The following GABRB3 variants were observed in gnomAD, a reference collection of about 807,000 sequenced individuals.
GABRB3 encodes gamma-aminobutyric acid receptor subunit beta-3.
Under a neutral mutation model 52.1 loss-of-function variants are expected in GABRB3, and 14 were observed. The ratio of observed to expected loss-of-function variants is 0.27; its 90% CI spans 0.18 to 0.42. The LOEUF (loss-of-function observed/expected upper bound fraction) is 0.42. Ranked by LOEUF, GABRB3 falls within the 10% of genes least tolerant of loss-of-function variation. The pLI is 1.00. For missense variants in GABRB3, 307 were observed against 609.1 expected, an observed-to-expected ratio of 0.50 and a Z score of 5.22; for synonymous variants, 260 against 232.3, an observed-to-expected ratio of 1.12 and a Z score of -1.08.
chr15:26,688,056 A>G (rs2140659267), intron 3 of GABRB3, among the ~76,000 whole-genome samples: 1 of 152,328 alleles, frequency 6.6e-6, no homozygotes, highest in Middle Eastern at 3.4e-3. Context: ...CTAAAATTAG[A>G]AAGTTTTCTT....
chr15:26,615,962 C>T, intron 4 of GABRB3: 1 of 1,288,998 alleles, frequency 7.8e-7, no homozygotes, highest in Non-Finnish European at 1.0e-6. Flanking sequence ...GCAGGAACAG[C>T]AGGAACAACC....
intron 3 of GABRB3, among the ~76,000 whole-genome samples, chr15:26,650,876 G>T (rs112641165): frequency 6.6e-6 from 1 of 152,092 alleles, no homozygotes; most frequent in African/African-American, 2.4e-5. Context: ...AGGCGATCAG[G>T]CTTCAGGAAA....
intron 3 of GABRB3, among the ~76,000 whole-genome samples, chr15:26,632,367 CTG>C (rs1258970154): frequency 6.6e-6 from 1 of 152,216 alleles, no homozygotes; most frequent in African/African-American, 2.4e-5. Flanking sequence ...GTAGTCACCT[CTG>C]TATGAAATCT....
rs1555369554 is a variant in GABRB3 at position 26,594,003 on chromosome 15, T to TATAA, written c.462-10590_462-10589insTTAT. On this transcript the variant is annotated intron_variant, in intron 4 of 8. Coordinates refer to ENST00000311550, the MANE Select transcript of GABRB3 (RefSeq NM_000814.6). Reference sequence around the variant, plus strand: ...TAAAATATATATATATATATATATATAATAGCCATCCTAATGTGTGTGATG... The same window carrying TATAA: ...TAAAATATATATATATATATATATATATAAAATAGCCATCCTAATGTGTGTGATG... Among the ~76,000 whole-genome samples, 78 of 138,186 alleles carry TATAA rather than the reference T, an allele frequency of 5.6e-4. 1 individual carries two copies. Among genetic ancestry groups the TATAA allele is most frequent in the African/African-American group, 1.8e-3 (68 of 37,090 alleles). The allele number at this position is 138,186 out of a possible 152,430, so 90.7% of individuals were successfully genotyped here.
intron 4 of GABRB3, among the ~76,000 whole-genome samples, chr15:26,616,788 T>C (rs1892273033): frequency 6.6e-6 from 1 of 152,178 alleles, no homozygotes. Flanking sequence ...CAAGCAATTT[T>C]TATTTTCTTG....
intron 4 of GABRB3, among the ~76,000 whole-genome samples, chr15:26,606,740 G>C (rs1891810678): frequency 1.3e-5 from 1 of 74,086 alleles, no homozygotes; most frequent in Non-Finnish European, 3.3e-5. Flanking sequence ...ATATATATCT[G>C]TCATATATAT....
chr15:26,740,739 C>A (rs1225363004), intron 3 of GABRB3, among the ~76,000 whole-genome samples: 1 of 152,192 alleles, frequency 6.6e-6, no homozygotes, highest in Non-Finnish European at 1.5e-5. Flanking sequence ...GGAGCCACAT[C>A]TAACGTGATG....
intron 3 of GABRB3, among the ~76,000 whole-genome samples, chr15:26,740,944 C>T (rs1007568740): frequency 1.2e-4 from 19 of 152,020 alleles, no homozygotes; most frequent in African/African-American, 4.4e-4. Flanking sequence ...GGGAGCAGCA[C>T]GGAGCCGACT....
At chr15:26,737,064 G>C (rs1890083744) in intron 3 of GABRB3, among the ~76,000 whole-genome samples, 1 of 152,228 alleles carries the variant, frequency 6.6e-6, no homozygotes, top group African/African-American at 2.4e-5. Flanking sequence ...GCCCTCTAAA[G>C]TGCTGTCGCA....
chr15:26,654,580 C>A (rs1200198238), intron 3 of GABRB3, among the ~76,000 whole-genome samples: 20 of 152,062 alleles, frequency 1.3e-4, no homozygotes, highest in Non-Finnish European at 2.4e-4. Flanking sequence ...CATAGTGAGA[C>A]CCCGTCTCTC....
At chr15:26,583,553 G>T (rs1828268309) in intron 4 of GABRB3, 139 bp from the exon 5 acceptor site, 2 of 671,862 alleles carry the variant, frequency 3.0e-6, no homozygotes, top group South Asian at 3.3e-5. Flanking sequence ...ACTATATATA[G>T]AGAGAAACTT....
chr15:26,655,009 T>C (rs1373292897), intron 3 of GABRB3, among the ~76,000 whole-genome samples: 2 of 152,060 alleles, frequency 1.3e-5, no homozygotes, highest in Non-Finnish European at 2.9e-5. Context: ...TTTAAATAAG[T>C]ACATTCCTTT....
At chr15:26,624,261 CACA>C in intron 3 of GABRB3, 1 of 985,748 alleles carries the variant, frequency 1.0e-6, no homozygotes, top group Non-Finnish European at 1.2e-6. Context: ...GTTGTGGTTT[CACA>C]ACAAAAGGAG....
intron 3 of GABRB3, among the ~76,000 whole-genome samples, chr15:26,655,626 A>C (rs569497369): frequency 5.3e-5 from 8 of 152,096 alleles, no homozygotes; most frequent in African/African-American, 1.7e-4. Context: ...CCTGTAGTCC[A>C]GGCTACTCGG....
At chr15:26,769,985 A>ACAG (rs386382526) in intron 3 of GABRB3, among the ~76,000 whole-genome samples, 1 of 151,886 alleles carries the variant, frequency 6.6e-6, no homozygotes, top group Non-Finnish European at 1.5e-5. Flanking sequence ...CTGTTCTCAA[A>ACAG]CATTGACTGA....
chr15:26,603,890 C>A (rs1294307708), intron 4 of GABRB3, among the ~76,000 whole-genome samples: 1 of 152,114 alleles, frequency 6.6e-6, no homozygotes, highest in Non-Finnish European at 1.5e-5. Flanking sequence ...ACTTTCACCA[C>A]TGGTGTTCAA....
Position 26,624,110 on chromosome 15 carries a change from G to C in GABRB3, c.241-2576C>G, listed in dbSNP as rs1892589672. The C allele has an allele frequency of 4.9e-6, 4 of 819,558 alleles. No individual in the cohort carries two copies. The African/African-American group carries it at 7.4e-5, about 15-fold the overall frequency. 50.8% of individuals were successfully genotyped at this position (819,558 alleles called of 1,614,324 possible). A position where few individuals can be genotyped will look rare whatever the true frequency, so the allele number is the denominator to read the frequency against. Reference sequence around the variant, plus strand: ...TGGACAGTGCTGAGTGGTGGGTAAAGCAAAGGCCTGAAAGGTTCTCGGACA... The same window carrying C: ...TGGACAGTGCTGAGTGGTGGGTAAACCAAAGGCCTGAAAGGTTCTCGGACA... On this transcript the variant is annotated intron_variant, in intron 3 of 8. Transcript: ENST00000311550.
At chr15:26,716,921 G>A in intron 3 of GABRB3, among the ~76,000 whole-genome samples, 1 of 138,382 alleles carries the variant, frequency 7.2e-6, no homozygotes, top group Admixed American at 7.2e-5. Flanking sequence ...GCCTAGCTCT[G>A]GGGACCTCCA....
rs1567096542 is a variant in GABRB3, at chr15:26,554,020, T to TG, written c.1081-5887_1081-5886insC. On this transcript the variant is annotated intron_variant, in intron 8 of 8. Transcript: ENST00000311550. Reference sequence around the variant, plus strand: ...CTCCCGAGTAGCTGACACCTGACTATTTATATATATATATATTTATTTATT... The same window carrying TG: ...CTCCCGAGTAGCTGACACCTGACTATGTTATATATATATATATTTATTTATT... Among the ~76,000 whole-genome samples the TG allele has an allele frequency of 4.0e-3, 259 of 63,984 alleles. 13 individuals carry two copies. The highest frequency in any genetic ancestry group is 0.022 in the African/African-American group (248 of 11,092). The allele number at this position is 63,984 out of a possible 152,430, so 42.0% of individuals were successfully genotyped here.
Sources: gnomAD v4.1 joint callset for allele counts (sites outside exome capture counted in the v4.1 genomes callset) on GRCh38, gnomAD v4.1.1 for gene constraint, MANE v1.5 for transcripts, NCBI Gene and HGNC (gene_info 2026-07-23, HGNC 2026-07-21) for gene names.